BIRC6: variants seen among roughly 807,000 people sequenced by gnomAD.
BIRC6 encodes the protein dual E2 ubiquitin-conjugating enzyme/E3 ubiquitin-protein ligase BIRC6.
In BIRC6, 98 loss-of-function variants were observed where a neutral mutation model predicts 503.3. That is an observed-to-expected ratio of 0.19 (90% confidence interval 0.17 to 0.23). The LOEUF (loss-of-function observed/expected upper bound fraction) is 0.23. Ranked by LOEUF, BIRC6 falls within the 10% of genes least tolerant of loss-of-function variation. The pLI, the probability that BIRC6 is intolerant of heterozygous loss-of-function variation, is 1.00. For synonymous variants in BIRC6, 2,240 were observed against 2,078.7 expected, an observed-to-expected ratio of 1.08 and a Z score of -2.11; for missense variants, 5,360 against 5,806.0, an observed-to-expected ratio of 0.92 and a Z score of 2.50.
At chr2:32,532,133 T>TTGTGTGTGTGTGTGTGTGTG in intron 61 of BIRC6, 1 of 80,722 alleles carries the variant, frequency 1.2e-5, no homozygotes, top group African/African-American at 1.3e-4. Context: ...TGATTTCATG[T>TTGTGTGTGTGTGTGTGTGTG]CGTGTGTGTG....
chr2:32,531,246 C>A, intron 60 of BIRC6, 109 bp from the exon 61 acceptor site: 1 of 891,636 alleles, frequency 1.1e-6, no homozygotes, highest in Non-Finnish European at 1.7e-6. Context: ...ATGTTTTGTG[C>A]TCTTTTTTGA....
intron 65 of BIRC6, among the ~76,000 whole-genome samples, chr2:32,572,366 A>G (rs892041024): frequency 2.0e-5 from 3 of 152,168 alleles, no homozygotes; most frequent in Non-Finnish European, 4.4e-5. Context: ...TTATTGTTTG[A>G]TTATGGTATT....
chr2:32,616,372 A>G (rs2063238461), intron 73 of BIRC6, among the ~76,000 whole-genome samples: 2 of 151,996 alleles, frequency 1.3e-5, no homozygotes, highest in Admixed American at 1.3e-4. Flanking sequence ...AGCCTGGCCA[A>G]GAAGGCAAAA....
Position 32,518,310 on chromosome 2 carries a change from G to T in BIRC6, c.11406G>T (p.Gly3802=), listed in dbSNP as rs2055281349. 6.2e-7 allele frequency: 1 copy of T among 1,612,794 alleles called. No individual in the cohort carries two copies. Among genetic ancestry groups the T allele is most frequent in the South Asian group, 1.1e-5 (1 of 90,772 alleles). ...AAAGAGGGAACCTTCCAACATCTGGGAACATTTCAGGGTTTATACGAAGAT... is the reference window on the plus strand; with the variant it reads ...AAAGAGGGAACCTTCCAACATCTGGTAACATTTCAGGGTTTATACGAAGAT... The part of the protein sequence containing the change: ...SPQRGNLPTS[G]NISGFIRRLF... The change falls in exon 56 of 74, where the codon GGG becomes GGT. Residue 3802 remains glycine, a synonymous_variant. Coordinates refer to ENST00000421745, the MANE Select transcript of BIRC6 (RefSeq NM_016252.4).
Position 32,503,101 on chromosome 2 carries a change from G to A in BIRC6, c.9364G>A (p.Ala3122Thr). The A allele has an allele frequency of 6.2e-7, 1 of 1,610,916 alleles. No individual in the cohort carries two copies. Among genetic ancestry groups the A allele is most frequent in the Non-Finnish European group, 8.5e-7 (1 of 1,178,332 alleles). Residue 3122 changes from alanine to threonine, a missense_variant, in exon 49 of 74, where the codon GCA becomes ACA. Around this residue, in one of 16 missense-constraint regions of BIRC6, gnomAD observed 267 missense variants for 287.6 expected, o/e 0.93. Coordinates refer to ENST00000421745, the MANE Select transcript of BIRC6 (RefSeq NM_016252.4). ...VTSTRAIVNTARSMVSTIMKF... is the reference protein window; with the variant it reads ...VTSTRAIVNTTRSMVSTIMKF... ...TAGTACAAGGGCTATTGTGAACACT[G>A]CAAGAAGTATGGTATCAACTATTAT... is the stretch of plus-strand genomic sequence containing the variant.
intron 46 of BIRC6, 64 bp downstream of exon 46, chr2:32,500,173 A>G (rs1228036469): frequency 1.5e-6 from 2 of 1,365,174 alleles, no homozygotes; most frequent in East Asian, 2.3e-5. Context: ...TTTTTTAAGC[A>G]ATATATGGAT....
chr2:32,504,338 T>A (rs1047086629), intron 49 of BIRC6, among the ~76,000 whole-genome samples: 5 of 152,116 alleles, frequency 3.3e-5, no homozygotes, highest in African/African-American at 1.2e-4. Flanking sequence ...ATGATTTTTT[T>A]AAAGGTGAAG....
At position 32,443,511 on chromosome 2, in the gene BIRC6, G is replaced by A; in HGVS notation, c.4259G>A (p.Cys1420Tyr). The A allele has an allele frequency of 2.5e-6, 4 of 1,606,402 alleles. No individual in the cohort carries two copies. The highest frequency in any genetic ancestry group is 3.4e-6 in the Non-Finnish European group (4 of 1,176,718). The change falls in exon 20 of 74, where the codon TGT becomes TAT. Residue 1420 changes from cysteine to tyrosine, a missense_variant. Cys to Tyr is a radical substitution (Grantham distance 194). This residue lies in a region of BIRC6 where 2,299 missense variants were observed against 2,267.2 expected (regional missense o/e 1.01). Transcript: ENST00000421745. Reference sequence around the variant, plus strand: ...TTCAGTAATGGCAAATGTGACCCATGTCAACCAGCATTTGGACCTGTTCTG... The same window carrying A: ...TTCAGTAATGGCAAATGTGACCCATATCAACCAGCATTTGGACCTGTTCTG... ...LCISNGKCDPCQPAFGPVLLK... is the reference protein window; with the variant it reads ...LCISNGKCDPYQPAFGPVLLK...
chr2:32,519,230 G>T, intron 57 of BIRC6: 1 of 293,858 alleles, frequency 3.4e-6, no homozygotes, highest in Non-Finnish European at 6.6e-6. Flanking sequence ...TAAACCATCT[G>T]GTCATTTTAT....
chr2:32,616,487 G>A (rs1357899831), intron 73 of BIRC6, among the ~76,000 whole-genome samples: 1 of 150,988 alleles, frequency 6.6e-6, no homozygotes, highest in Non-Finnish European at 1.5e-5. Context: ...TTGCGTCTGG[G>A]AGGTGGAGTT....
intron 21 of BIRC6, among the ~76,000 whole-genome samples, chr2:32,447,287 C>T (rs1167339615): frequency 8.9e-5 from 13 of 145,694 alleles, no homozygotes; most frequent in African/African-American, 1.8e-4. Context: ...CAGACGGGGT[C>T]GTGGCCGGGC....
chr2:32,560,156 G>A (rs1559053349), intron 65 of BIRC6, among the ~76,000 whole-genome samples: 1 of 152,096 alleles, frequency 6.6e-6, no homozygotes, highest in Non-Finnish European at 1.5e-5. Flanking sequence ...TGGTTGTCAA[G>A]AAAAATACAG....
At chr2:32,384,468 G>A (rs1206889413) in intron 3 of BIRC6, among the ~76,000 whole-genome samples, 1 of 151,802 alleles carries the variant, frequency 6.6e-6, no homozygotes, top group East Asian at 1.9e-4. Flanking sequence ...CACAGGCAAT[G>A]GACTATATAA....
chr2:32,500,899 C>G (rs1273080281), intron 46 of BIRC6, among the ~76,000 whole-genome samples: 1 of 151,936 alleles, frequency 6.6e-6, no homozygotes, highest in Non-Finnish European at 1.5e-5. Context: ...GCCACTGCGC[C>G]CTGCCAATTT....
At position 32,525,697 on chromosome 2, in the gene BIRC6, C is replaced by T. The variant is rs532054914; in HGVS notation, c.11920+69C>T. 49 of 1,461,134 alleles carry T rather than the reference C, an allele frequency of 3.4e-5. No homozygotes were observed. The South Asian group carries it at 6.5e-4, about 19-fold the overall frequency. The allele number at this position is 1,461,134 out of a possible 1,614,324, so 90.5% of individuals were successfully genotyped here. ...CTTAAAACTATGTAAATCAGAGGCA[C>T]AGTCACCAAAATCATTTTAATCAGG... On this transcript the variant is annotated intron_variant, in intron 59 of 73. Coordinates refer to ENST00000421745, the MANE Select transcript of BIRC6 (RefSeq NM_016252.4).
intron 1 of BIRC6, among the ~76,000 whole-genome samples, chr2:32,373,785 A>G (rs1447807161): frequency 6.6e-6 from 1 of 152,242 alleles, no homozygotes; most frequent in Non-Finnish European, 1.5e-5. Context: ...AGATATTTGT[A>G]CACCAGTGTT....
At chr2:32,370,154 A>C (rs937914235) in intron 1 of BIRC6, among the ~76,000 whole-genome samples, 1 of 151,708 alleles carries the variant, frequency 6.6e-6, no homozygotes, top group African/African-American at 2.4e-5. Flanking sequence ...ACGTTGAGAG[A>C]TATAACTGTG....
chr2:32,593,882 CCTTG>C (rs1347891752), intron 66 of BIRC6, 29 bp from the exon 67 acceptor site: 2 of 1,581,310 alleles, frequency 1.3e-6, no homozygotes, highest in East Asian at 4.5e-5. Context: ...TCTTAATTTT[CCTTG>C]CTTTTCTTTC....
At chr2:32,609,125 C>G (rs1452767172) in intron 72 of BIRC6, among the ~76,000 whole-genome samples, 2 of 152,126 alleles carry the variant, frequency 1.3e-5, no homozygotes, top group East Asian at 3.9e-4. Context: ...CTCAGGTGAT[C>G]CGCCCGCCTC....
Sources: allele counts gnomAD v4.1 joint callset (sites outside exome capture counted in the v4.1 genomes callset), GRCh38; gene constraint gnomAD v4.1.1; regional missense constraint gnomAD v4.1.1; transcripts MANE v1.5; gene names NCBI Gene and HGNC (gene_info 2026-07-23, HGNC 2026-07-21).